PRORP: variants seen among roughly 807,000 people sequenced by gnomAD.
The protein encoded by PRORP is protein only RNase P catalytic subunit.
PRORP carries 51 observed loss-of-function variants against 59.4 expected under a neutral mutation model. That is an observed-to-expected ratio of 0.86 (90% CI 0.69 to 1.08). The LOEUF (loss-of-function observed/expected upper bound fraction) is 1.08. Ranked by LOEUF, PRORP falls within the 50% of genes least tolerant of loss-of-function variation. PRORP has a pLI of 0.00. For missense variants in PRORP, 646 were observed against 690.3 expected (o/e 0.94, Z 0.72); for synonymous variants, 231 against 245.6 (o/e 0.94, Z 0.55).
At chr14:35,160,672 A>G (rs1029354736) in intron 4 of PRORP, among the ~76,000 whole-genome samples, 1 of 152,110 alleles carries the variant, frequency 6.6e-6, no homozygotes, top group Admixed American at 6.5e-5. Context: ...ATTCAACTCA[A>G]TGAAGTCATT....
At chr14:35,217,656 A>G (rs889274347) in intron 5 of PRORP, among the ~76,000 whole-genome samples, 1 of 151,878 alleles carries the variant, frequency 6.6e-6, no homozygotes, top group Admixed American at 6.6e-5. Context: ...ACTTTTTGGT[A>G]TATGGATATC....
At chr14:35,265,758 A>T (rs1035316891) in intron 5 of PRORP, among the ~76,000 whole-genome samples, 3 of 152,200 alleles carry the variant, frequency 2.0e-5, no homozygotes, top group Non-Finnish European at 2.9e-5. Context: ...TACCAATATG[A>T]TAAATATATA....
intron 5 of PRORP, among the ~76,000 whole-genome samples, chr14:35,230,180 G>A (rs1294106179): frequency 6.6e-6 from 1 of 150,730 alleles, no homozygotes; most frequent in African/African-American, 2.5e-5. Flanking sequence ...AGCCTCTCTA[G>A]TGGCTGGGAT....
intron 5 of PRORP, among the ~76,000 whole-genome samples, chr14:35,221,460 A>AT (rs149244652): frequency 3.0e-4 from 46 of 151,210 alleles, no homozygotes; most frequent in East Asian, 5.8e-4. Context: ...TTCAACATGG[A>AT]TTTTTTTTTG....
intron 4 of PRORP, among the ~76,000 whole-genome samples, chr14:35,149,971 A>G (rs555283582): frequency 6.6e-6 from 1 of 152,260 alleles, no homozygotes; most frequent in Admixed American, 6.5e-5. Context: ...CTCATGCCTC[A>G]GCCTCCCGAG....
chr14:35,153,718 C>T (rs967041374), intron 4 of PRORP, among the ~76,000 whole-genome samples: 9 of 152,046 alleles, frequency 5.9e-5, no homozygotes, highest in Non-Finnish European at 8.8e-5. Context: ...AAGATTAAAA[C>T]GAAATAAAAT....
At chr14:35,131,022 C>T (rs1595162342) in intron 4 of PRORP, among the ~76,000 whole-genome samples, 1 of 152,016 alleles carries the variant, frequency 6.6e-6, no homozygotes, top group Admixed American at 6.6e-5. Context: ...CAGCTTACTG[C>T]AACCTCCGCC....
chr14:35,248,977 A>G (rs2050547805), intron 5 of PRORP, among the ~76,000 whole-genome samples: 1 of 152,214 alleles, frequency 6.6e-6, no homozygotes, highest in Admixed American at 6.5e-5. Flanking sequence ...AGCACAATGC[A>G]TCAATTACAG....
chr14:35,172,415 TCC>T (rs2048333980), intron 4 of PRORP, among the ~76,000 whole-genome samples: 5 of 23,264 alleles, frequency 2.1e-4, no homozygotes, highest in Non-Finnish European at 1.2e-3. Flanking sequence ...TTTCTTTCTT[TCC>T]TTCCTTCCTT....
intron 5 of PRORP, among the ~76,000 whole-genome samples, chr14:35,256,852 A>G (rs889105289): frequency 1.3e-5 from 2 of 148,670 alleles, no homozygotes; most frequent in Non-Finnish European, 3.0e-5. Flanking sequence ...TATATTTAAA[A>G]TTTTTATGAT....
At chr14:35,142,913 T>G (rs1158721584) in intron 4 of PRORP, among the ~76,000 whole-genome samples, 1 of 144,912 alleles carries the variant, frequency 6.9e-6, no homozygotes, top group African/African-American at 2.4e-5. Context: ...TGCCCTGAGC[T>G]CAAGTGATCC....
chr14:35,156,587 A>G (rs979057827), intron 4 of PRORP, among the ~76,000 whole-genome samples: 2 of 152,214 alleles, frequency 1.3e-5, no homozygotes, highest in Admixed American at 1.3e-4. Context: ...TAACAGTGTG[A>G]TTCTTTGCAA....
chr14:35,241,681 C>T (rs2050373361), intron 5 of PRORP, among the ~76,000 whole-genome samples: 1 of 152,112 alleles, frequency 6.6e-6, no homozygotes, highest in African/African-American at 2.4e-5. Flanking sequence ...ATCCTGTGTG[C>T]CTTATGCAAG....
At chr14:35,176,745 C>T (rs1242948982) in intron 4 of PRORP, among the ~76,000 whole-genome samples, 3 of 152,134 alleles carry the variant, frequency 2.0e-5, no homozygotes, top group Non-Finnish European at 2.9e-5. Context: ...CTTTCTCCTG[C>T]CTGATTGTCC....
At chr14:35,260,100 C>A (rs1022812349) in intron 5 of PRORP, among the ~76,000 whole-genome samples, 13 of 137,398 alleles carry the variant, frequency 9.5e-5, no homozygotes, top group South Asian at 2.3e-4. Context: ...CAGCATTGAT[C>A]TACTGGGCCC....
chr14:35,136,663 C>T (rs868480631), intron 4 of PRORP, among the ~76,000 whole-genome samples: 2 of 145,566 alleles, frequency 1.4e-5, no homozygotes, highest in African/African-American at 4.9e-5. Flanking sequence ...GTGTGAGCCA[C>T]CGCACCTGGC....
At chr14:35,154,789 G>A (rs2047870265) in intron 4 of PRORP, among the ~76,000 whole-genome samples, 1 of 152,090 alleles carries the variant, frequency 6.6e-6, no homozygotes, top group Non-Finnish European at 1.5e-5. Context: ...ATCATATTGG[G>A]CCCTTAGTTC....
At chr14:35,121,922 G>A (rs745935366), upstream of PRORP, 36 of 1,614,128 alleles carry the variant, frequency 2.2e-5, no homozygotes, top group Non-Finnish European at 3.1e-5. Flanking sequence ...GGTGTTGGGC[G>A]TCGCTAGGCG....
At chr14:35,146,964 G>A (rs1328663705) in intron 4 of PRORP, among the ~76,000 whole-genome samples, 1 of 151,980 alleles carries the variant, frequency 6.6e-6, no homozygotes, top group Non-Finnish European at 1.5e-5. Flanking sequence ...CGGCTTGGTG[G>A]TGTGTACCTG....
Sources: allele counts gnomAD v4.1 joint callset (sites outside exome capture counted in the v4.1 genomes callset), GRCh38; gene constraint gnomAD v4.1.1; transcripts MANE v1.5; gene names NCBI Gene and HGNC (gene_info 2026-07-23, HGNC 2026-07-21).